Variants in RASSF6 observed in about 807,000 individuals in gnomAD.
RASSF6 encodes Ras association domain family member 6.
In RASSF6, 52 loss-of-function variants were observed where a neutral mutation model predicts 44.0. The observed-to-expected ratio is 1.18, with a 90% CI of 0.95 to 1.49. RASSF6 has a LOEUF of 1.49. RASSF6 is among the 40% of genes most tolerant of loss of function. The pLI is 0.00. For missense variants in RASSF6, 464 were observed against 393.3 expected (o/e 1.18, Z -1.52); for synonymous variants, 162 against 124.6 (o/e 1.30, Z -2.00).
intron 3 of RASSF6, 93 bp from the exon 4 acceptor site, chr4:73,593,686 A>G (rs2149381103): frequency 8.1e-7 from 1 of 1,236,394 alleles, no homozygotes; most frequent in South Asian, 1.3e-5. Context: ...GTGCGTAAGA[A>G]ACCTAAATAG....
intron 1 of RASSF6, among the ~76,000 whole-genome samples, chr4:73,619,227 A>G (rs775284733): frequency 6.6e-6 from 1 of 152,244 alleles, no homozygotes. Flanking sequence ...CTTTTTAGGA[A>G]TAACAGATTA....
chr4:73,616,221 ATATCTATCTATCTATCTATC>A (rs4019340), intron 1 of RASSF6, among the ~76,000 whole-genome samples: 12 of 148,918 alleles, frequency 8.1e-5, no homozygotes, highest in Non-Finnish European at 1.5e-4. Flanking sequence ...ACATATATCT[ATATCTATCTATCTATCTATC>A]TATCTATCTA....
chr4:73,598,567 A>ATT lies in RASSF6; in HGVS notation c.144+71_144+72dup, dbSNP rs1200373077. 1.3e-5 allele frequency: 6 copies of ATT among 449,698 alleles called. No individual in the cohort carries two copies. In the South Asian group the frequency reaches 1.3e-4, roughly 10 times the overall value. The allele number at this position is 449,698 out of a possible 1,614,324, so 27.9% of individuals were successfully genotyped here. On this transcript the variant is annotated intron_variant, in intron 3 of 10. Coordinates refer to ENST00000307439, the MANE Select transcript of RASSF6 (RefSeq NM_177532.5). ...TAAACTTTCACCTGTTTCTTCCAGA[A>ATT]TTGTGTGTGTGTGTGTGTGCACGCA...
intron 3 of RASSF6, among the ~76,000 whole-genome samples, chr4:73,597,217 T>G (rs1196055085): frequency 6.6e-6 from 1 of 152,182 alleles, no homozygotes; most frequent in Non-Finnish European, 1.5e-5. Context: ...TTTTGCAAAC[T>G]ATGCATCTGA....
At chr4:73,611,993 G>T (rs566425571) in intron 1 of RASSF6, among the ~76,000 whole-genome samples, 164 bp from the exon 2 acceptor site, 1 of 152,238 alleles carries the variant, frequency 6.6e-6, no homozygotes, top group South Asian at 2.1e-4. Flanking sequence ...AATGTATTAT[G>T]TAAATGAAAA....
At chr4:73,618,301 T>TTATCTATCTATCTATCTATCTATC (rs60389955) in intron 1 of RASSF6, among the ~76,000 whole-genome samples, 47,671 of 150,030 alleles carry the variant, frequency 0.32, 8,066 homozygotes, top group East Asian at 0.4. Context: ...TATAAAGTTG[T>TTATCTATCTATCTATCTATCTATC]TATCTATCTA....
At chr4:73,619,710 A>G (rs1275413580) in intron 1 of RASSF6, among the ~76,000 whole-genome samples, 1 of 152,122 alleles carries the variant, frequency 6.6e-6, no homozygotes, top group Non-Finnish European at 1.5e-5. Flanking sequence ...TTCAGAATTC[A>G]TATCCTTAAC....
Position 73,575,982 on chromosome 4 carries a change from T to C in RASSF6, c.*253A>G. Reference sequence around the variant, plus strand: ...TTTGAGTTCATTACATGGTTTACTATAAAAGCTATTTGGCATATGCAGTAT... The same window carrying C: ...TTTGAGTTCATTACATGGTTTACTACAAAAGCTATTTGGCATATGCAGTAT... On this transcript the variant is annotated 3_prime_UTR_variant, in exon 11 of 11. Transcript: ENST00000307439. 3.3e-6 allele frequency: 1 copy of C among 306,614 alleles called. No individual in the cohort carries two copies. Among genetic ancestry groups the C allele is most frequent in the African/African-American group, 2.2e-5 (1 of 46,416 alleles). 19.0% of individuals were successfully genotyped at this position (306,614 alleles called of 1,614,324 possible). A position where few individuals can be genotyped will look rare whatever the true frequency, so the allele number is the denominator to read the frequency against.
chr4:73,607,248 C>G (rs551608494), intron 2 of RASSF6, among the ~76,000 whole-genome samples: 4 of 152,304 alleles, frequency 2.6e-5, no homozygotes, highest in East Asian at 1.9e-4. Context: ...ACCCCCACAC[C>G]GTTATGGCAG....
At chr4:73,579,062 A>T (rs1723438666) in intron 8 of RASSF6, among the ~76,000 whole-genome samples, 1 of 152,194 alleles carries the variant, frequency 6.6e-6, no homozygotes, top group African/African-American at 2.4e-5. Context: ...CTGTTTAAAA[A>T]ATGGGATCTT....
At chr4:73,603,485 CA>C (rs899205262) in intron 2 of RASSF6, among the ~76,000 whole-genome samples, 15 of 151,960 alleles carry the variant, frequency 9.9e-5, no homozygotes, top group African/African-American at 3.4e-4. Flanking sequence ...GGGGGCAGGT[CA>C]GGGGGAGGGA....
rs1485197327 is a variant in RASSF6, at chr4:73,585,405, T to C, written c.383-41A>G. 5 of 1,376,566 alleles carry C rather than the reference T, an allele frequency of 3.6e-6. No individual in the cohort carries two copies. In the African/African-American group the frequency reaches 5.8e-5, roughly 16 times the overall value. The allele number at this position is 1,376,566 out of a possible 1,614,324, so 85.3% of individuals were successfully genotyped here. On this transcript the variant is annotated intron_variant, in intron 5 of 10. Coordinates refer to ENST00000307439, the MANE Select transcript of RASSF6 (RefSeq NM_177532.5). ...TATAAGCTCATATCATTCAGCTGCC[T>C]GTGTCCTAGCATCCTGAGTGGATTT...
chr4:73,584,223 G>A (rs760242724), intron 6 of RASSF6, among the ~76,000 whole-genome samples: 1 of 152,018 alleles, frequency 6.6e-6, no homozygotes, highest in Non-Finnish European at 1.5e-5. Flanking sequence ...CCCAAGGGTA[G>A]AAGAAGAAGA....
At chr4:73,591,714 G>T (rs1168923356) in intron 4 of RASSF6, among the ~76,000 whole-genome samples, 1 of 151,994 alleles carries the variant, frequency 6.6e-6, no homozygotes, top group African/African-American at 2.4e-5. Flanking sequence ...GCAATCCTTA[G>T]CTTGGATGGG....
Position 73,585,213 on chromosome 4 carries a change from T to A in RASSF6, c.534A>T (p.Arg178Ser). The change falls in exon 6 of 11, where the codon AGA (arginine) becomes AGT (serine). Residue 178 changes from arginine (R) to serine (S), a missense_variant. Transcript: ENST00000307439. Reference sequence around the variant, plus strand: ...TATAGAAGTGTCCATTAATAGAGGCTCTATTTTTCTGTCTTTCTTTTCTGT... The same window carrying A: ...TATAGAAGTGTCCATTAATAGAGGCACTATTTTTCTGTCTTTCTTTTCTGT... ...MMDRKERQKNRASINGHFYNH... is the reference protein window; with the variant it reads ...MMDRKERQKNSASINGHFYNH... 1 of 1,610,244 alleles carries A rather than the reference T, an allele frequency of 6.2e-7. No individual in the cohort carries two copies. The highest frequency in any genetic ancestry group is 8.5e-7 in the Non-Finnish European group (1 of 1,178,398).
chr4:73,620,328 C>G lies in RASSF6; in HGVS notation c.-75G>C. The G allele has an allele frequency of 3.4e-6, 5 of 1,476,302 alleles. No individual in the cohort carries two copies. Among genetic ancestry groups the G allele is most frequent in the Non-Finnish European group, 4.5e-6 (5 of 1,117,778 alleles). 91.5% of individuals were successfully genotyped at this position (1,476,302 alleles called of 1,614,324 possible). A position where few individuals can be genotyped will look rare whatever the true frequency, so the allele number is the denominator to read the frequency against. ...TGAGCAGGAGGACCCTTTTCACCAT[C>G]GTTGTTCGGCTGAACTTGCTTCGCG... On this transcript the variant is annotated 5_prime_UTR_variant, in exon 1 of 11. Transcript: ENST00000307439.
At chr4:73,578,474 G>T (rs1453655460) in intron 8 of RASSF6, among the ~76,000 whole-genome samples, 1 of 152,004 alleles carries the variant, frequency 6.6e-6, no homozygotes, top group Non-Finnish European at 1.5e-5. Context: ...GAACAAACGA[G>T]AAAAGTATAA....
At position 73,587,909 on chromosome 4, in the gene RASSF6, C is replaced by G. The variant is rs143969358; in HGVS notation, c.313G>C (p.Asp105His). Residue 105 changes from aspartate to histidine, a missense_variant, in exon 5 of 11, where the codon GAT becomes CAT. Asp to His is a moderately conservative substitution (Grantham distance 81, BLOSUM62 -1). Transcript: ENST00000307439. The part of the protein sequence containing the change: ...KGMTRWGEFD[D>H]LYRISELDRT... ...TCCAGCTCACTAATACGATAGAGAT[C>G]GTCAAATTCCCCCCAGCGTGTCATT... is the stretch of plus-strand genomic sequence containing the variant. The G allele has an allele frequency of 6.2e-7, 1 of 1,609,124 alleles. No homozygotes were observed. The highest frequency in any genetic ancestry group is 8.5e-7 in the Non-Finnish European group (1 of 1,176,456).
At position 73,585,329 on chromosome 4, in the gene RASSF6, G is replaced by A; in HGVS notation, c.418C>T (p.His140Tyr). ...LSYHSNTLKP[H>Y]AKDEPDSPVL... ...GGGGAGTCTGGTTCATCCTTTGCAT[G>A]TGGCTTCAGGGTGTTGCTGTGATAA... Residue 140 changes from histidine (H) to tyrosine (Y), a missense_variant, in exon 6 of 11, where the codon CAT becomes TAT. Physicochemically the swap from His to Tyr is moderately conservative, Grantham distance 83. Transcript: ENST00000307439. The A allele has an allele frequency of 6.2e-7, 1 of 1,606,930 alleles. No homozygotes were observed. The highest frequency in any genetic ancestry group is 8.5e-7 in the Non-Finnish European group (1 of 1,176,744).
Sources: gnomAD v4.1 joint callset for allele counts (sites outside exome capture counted in the v4.1 genomes callset) on GRCh38, gnomAD v4.1.1 for gene constraint, MANE v1.5 for transcripts, NCBI Gene and HGNC (gene_info 2026-07-23, HGNC 2026-07-21) for gene names.